TENM3: variants seen among roughly 807,000 people sequenced by gnomAD.
TENM3 encodes the protein teneurin-3.
In TENM3, 63 loss-of-function variants were observed where a neutral mutation model predicts 255.1. The ratio of observed to expected loss-of-function variants is 0.25; its 90% CI spans 0.20 to 0.30. The LOEUF (loss-of-function observed/expected upper bound fraction) is 0.30. Among genes scored for constraint, TENM3 ranks in the 10% least tolerant of loss-of-function variants. The probability of loss-of-function intolerance (pLI) is 1.00; values close to 1 mark genes in which losing one functional copy is unlikely to be tolerated. For synonymous variants in TENM3, 1,306 were observed against 1,322.3 expected (o/e 0.99, Z 0.27); for missense variants, 2,929 against 3,461.1 (o/e 0.85, Z 3.86).
the TENM3 span, among the ~76,000 whole-genome samples, chr4:181,646,849 T>A: frequency 4.1e-4 from 63 of 152,264 alleles, no homozygotes; most frequent in East Asian, 0.012. Context: ...CAAAAAAAGA[T>A]CTAATTTATT....
chr4:182,292,253 C>T lies in TENM3; in HGVS notation c.-75-31693C>T, dbSNP rs566551865. ...AACTAAACATAGAGAAAAACAAAAA[C>T]AGAGCCATCTCAGAGGCCCCATGAT... On this transcript the variant is annotated intron_variant, in intron 1 of 27. Transcript: ENST00000511685. Among the ~76,000 whole-genome samples the T allele has an allele frequency of 1.2e-3, 182 of 152,266 alleles. 1 individual carries two copies. The highest frequency in any genetic ancestry group is 4.1e-3 in the African/African-American group (172 of 41,550).
chr4:181,739,945 C>T, the TENM3 span, among the ~76,000 whole-genome samples: 3 of 152,206 alleles, frequency 2.0e-5, no homozygotes, highest in East Asian at 3.8e-4. Flanking sequence ...AATTGTGTTG[C>T]GTAGCAACCG....
At chr4:181,929,966 C>T in the TENM3 span, among the ~76,000 whole-genome samples, 19 of 151,508 alleles carry the variant, frequency 1.3e-4, no homozygotes, top group South Asian at 4.2e-4. Flanking sequence ...ATAAGTTATT[C>T]GAAACGAGTG....
intron 3 of TENM3, among the ~76,000 whole-genome samples, chr4:182,549,379 G>A (rs1481429810): frequency 6.6e-6 from 1 of 152,170 alleles, no homozygotes; most frequent in Non-Finnish European, 1.5e-5. Flanking sequence ...ACCACTCTAG[G>A]ATGAAGTCTA....
the TENM3 span, among the ~76,000 whole-genome samples, chr4:181,695,250 G>C: frequency 4.6e-5 from 7 of 152,182 alleles, no homozygotes; most frequent in South Asian, 8.3e-4. Flanking sequence ...GCTAAAGATG[G>C]CCTCTCTGTC....
chr4:182,767,153 T>C (rs922362377), intron 22 of TENM3, among the ~76,000 whole-genome samples: 1 of 152,222 alleles, frequency 6.6e-6, no homozygotes, highest in Non-Finnish European at 1.5e-5. Context: ...AATTATGATT[T>C]GTCTTTGAGA....
chr4:182,171,887 A>C (rs2149697046), intron 1 of TENM3, among the ~76,000 whole-genome samples: 1 of 152,078 alleles, frequency 6.6e-6, no homozygotes, highest in Non-Finnish European at 1.5e-5. Flanking sequence ...ACGAATATAT[A>C]GAAAATATTT....
At chr4:182,684,528 T>C (rs554581991) in intron 11 of TENM3, among the ~76,000 whole-genome samples, 1 of 152,142 alleles carries the variant, frequency 6.6e-6, no homozygotes, top group Non-Finnish European at 1.5e-5. Context: ...TGTTTCTTTA[T>C]ATGTAAAATG....
chr4:181,953,878 C>T, the TENM3 span, among the ~76,000 whole-genome samples: 1 of 152,076 alleles, frequency 6.6e-6, no homozygotes, highest in Non-Finnish European at 1.5e-5. Context: ...TCCAGTACCA[C>T]AATCAAAGTA....
intron 3 of TENM3, among the ~76,000 whole-genome samples, chr4:182,376,606 G>C (rs1301342872): frequency 6.6e-6 from 1 of 152,146 alleles, no homozygotes; most frequent in African/African-American, 2.4e-5. Flanking sequence ...GATTTGTTTG[G>C]GTAGAAGATA....
chr4:181,875,035 A>G, the TENM3 span, among the ~76,000 whole-genome samples: 2,450 of 152,302 alleles, frequency 0.016, 30 homozygotes, highest in Non-Finnish European at 0.023. Flanking sequence ...CCTCATGGCC[A>G]TGTGTTGACG....
chr4:182,519,155 A>G (rs1456034131), intron 3 of TENM3, among the ~76,000 whole-genome samples: 1 of 141,834 alleles, frequency 7.1e-6, no homozygotes, highest in Admixed American at 7.3e-5. Context: ...TGCATTTTGA[A>G]GCTTTAGTGC....
At chr4:181,778,373 G>C in the TENM3 span, among the ~76,000 whole-genome samples, 1 of 152,026 alleles carries the variant, frequency 6.6e-6, no homozygotes, top group Non-Finnish European at 1.5e-5. Flanking sequence ...GTACAATGTT[G>C]GTAACTTTAT....
At chr4:181,583,655 T>C in the TENM3 span, among the ~76,000 whole-genome samples, 3 of 152,228 alleles carry the variant, frequency 2.0e-5, no homozygotes, top group Non-Finnish European at 4.4e-5. Flanking sequence ...GAAATTATAC[T>C]AATAACAAAT....
chr4:181,551,795 T>C, the TENM3 span, among the ~76,000 whole-genome samples: 1 of 149,910 alleles, frequency 6.7e-6, no homozygotes, highest in East Asian at 2.0e-4. Flanking sequence ...TTTTGCAAAA[T>C]AGGCAGTTAA....
intron 3 of TENM3, among the ~76,000 whole-genome samples, chr4:182,573,160 T>G (rs1744578197): frequency 6.6e-6 from 1 of 152,180 alleles, no homozygotes; most frequent in Middle Eastern, 3.2e-3. Context: ...GATTTAAAAT[T>G]GAGTCAGCCA....
chr4:182,104,548 G>A, the TENM3 span, among the ~76,000 whole-genome samples: 1 of 104,486 alleles, frequency 9.6e-6, no homozygotes, highest in Non-Finnish European at 1.7e-5. Flanking sequence ...GTCTTGCTCT[G>A]TTGCCCAGGC....
At chr4:181,876,734 A>T in the TENM3 span, among the ~76,000 whole-genome samples, 1 of 152,102 alleles carries the variant, frequency 6.6e-6, no homozygotes, top group Non-Finnish European at 1.5e-5. Flanking sequence ...CTTGAAATGC[A>T]TGTTTTGTTA....
At chr4:182,172,061 A>G (rs752806804) in intron 1 of TENM3, among the ~76,000 whole-genome samples, 3 of 151,896 alleles carry the variant, frequency 2.0e-5, no homozygotes, top group Non-Finnish European at 4.4e-5. Flanking sequence ...AATTAAAAAT[A>G]TTAACCGAGA....
Sources: gnomAD v4.1 joint callset for allele counts (sites outside exome capture counted in the v4.1 genomes callset) on GRCh38, gnomAD v4.1.1 for gene constraint, MANE v1.5 for transcripts, NCBI Gene and HGNC (gene_info 2026-07-23, HGNC 2026-07-21) for gene names.